The following SLC47A1 variants were observed in gnomAD, a reference collection of about 807,000 sequenced individuals.
The protein encoded by SLC47A1 is multidrug and toxin extrusion protein 1.
Under a neutral mutation model 65.8 loss-of-function variants are expected in SLC47A1, and 58 were observed. The ratio of observed to expected loss-of-function variants is 0.88; its 90% confidence interval spans 0.71 to 1.10. SLC47A1 has a LOEUF of 1.10. SLC47A1 is among the 50% of genes least tolerant of loss of function. SLC47A1 has a pLI of 0.00. For synonymous variants in SLC47A1, 285 were observed against 295.0 expected, an observed-to-expected ratio of 0.97 and a Z score of 0.35; for missense variants, 706 against 719.2, an observed-to-expected ratio of 0.98 and a Z score of 0.21.
At chr17:19,550,576 G>A (rs1485310222) in intron 5 of SLC47A1, among the ~76,000 whole-genome samples, 2 of 152,106 alleles carry the variant, frequency 1.3e-5, no homozygotes, top group African/African-American at 2.4e-5. Context: ...TTGGCCTCCC[G>A]AAGTGTTGGG....
At chr17:19,560,568 A>G (rs2084301438) in intron 12 of SLC47A1, 75 bp downstream of exon 12, 13 of 1,443,892 alleles carry the variant, frequency 9.0e-6, no homozygotes, top group Non-Finnish European at 1.3e-5. Flanking sequence ...TGTTCTCTAA[A>G]ATCAGGCTGT....
intron 2 of SLC47A1, among the ~76,000 whole-genome samples, chr17:19,543,091 C>T (rs1916192382): frequency 6.8e-6 from 1 of 147,922 alleles, no homozygotes; most frequent in South Asian, 2.2e-4. Context: ...CGTGCCCAGC[C>T]TCACATCATC....
chr17:19,534,262 G>A, intron 1 of SLC47A1, 188 bp downstream of exon 1: 2 of 680,054 alleles, frequency 2.9e-6, no homozygotes, highest in Non-Finnish European at 4.4e-6. Flanking sequence ...GCCGCTTTCC[G>A]CTCCGCACCA....
At chr17:19,564,570 G>A (rs2084341428) in intron 12 of SLC47A1, 1 of 152,264 alleles carries the variant, frequency 6.6e-6, no homozygotes, top group Admixed American at 6.5e-5. Flanking sequence ...GGGCATTGCA[G>A]TAAGACTTTG....
intron 2 of SLC47A1, 81 bp downstream of exon 2, chr17:19,542,575 T>C: frequency 8.5e-7 from 1 of 1,174,092 alleles, no homozygotes; most frequent in Admixed American, 2.3e-5. Context: ...CATCAAAATG[T>C]AGTGGCTGAA....
chr17:19,572,216 C>T (rs1026255406), intron 15 of SLC47A1, among the ~76,000 whole-genome samples: 2 of 152,000 alleles, frequency 1.3e-5, no homozygotes, highest in African/African-American at 4.8e-5. Flanking sequence ...GATCTTGGTC[C>T]CTCTCTTGTC....
intron 3 of SLC47A1, among the ~76,000 whole-genome samples, chr17:19,546,807 G>A (rs900959962): frequency 1.3e-5 from 2 of 152,160 alleles, no homozygotes; most frequent in African/African-American, 4.8e-5. Flanking sequence ...TCTCAGAATT[G>A]AGCGTGCATT....
intron 12 of SLC47A1, among the ~76,000 whole-genome samples, chr17:19,560,939 A>C (rs1391724627): frequency 1.3e-5 from 2 of 152,018 alleles, no homozygotes; most frequent in Non-Finnish European, 2.9e-5. Context: ...GCCAGCAGAA[A>C]AAGTTTTTTA....
chr17:19,562,715 G>A (rs1387173329), intron 12 of SLC47A1, among the ~76,000 whole-genome samples: 4 of 152,134 alleles, frequency 2.6e-5, no homozygotes, highest in Non-Finnish European at 5.9e-5. Context: ...GTAGAAGCTG[G>A]ACTCTGAATC....
At chr17:19,560,041 T>C in intron 10 of SLC47A1, 147 bp from the exon 11 acceptor site, 1 of 616,064 alleles carries the variant, frequency 1.6e-6, no homozygotes, top group Non-Finnish European at 2.9e-6. Flanking sequence ...AGTTCCCGGC[T>C]AGACAAAGGG....
intron 12 of SLC47A1, among the ~76,000 whole-genome samples, chr17:19,564,963 C>T (rs2084344837): frequency 6.6e-6 from 1 of 152,196 alleles, no homozygotes; most frequent in Non-Finnish European, 1.5e-5. Context: ...AGGTGATCTG[C>T]CTGCCTTGGC....
rs561333106 is a variant in SLC47A1 at position 19,561,997 on chromosome 17, C to A, written c.1106+1504C>A. On this transcript the variant is annotated intron_variant, in intron 12 of 16. Coordinates refer to ENST00000270570, the MANE Select transcript of SLC47A1 (RefSeq NM_018242.3). ...TTCTCAGATTGATTACTGAAGAATT[C>A]TTGGATAAGTCCCCTCTGCTCTGCA... Among the ~76,000 whole-genome samples the A allele has an allele frequency of 3.1e-3, 472 of 152,290 alleles. 4 individuals are homozygous for A. Among genetic ancestry groups the A allele is most frequent in the African/African-American group, 0.011 (442 of 41,562 alleles).
intron 14 of SLC47A1, 93 bp from the exon 15 acceptor site, chr17:19,571,385 T>C (rs546530868): frequency 1.9e-6 from 2 of 1,052,122 alleles, no homozygotes; most frequent in African/African-American, 1.6e-5. Context: ...AGATATTCAG[T>C]ATGGCTGACA....
In SLC47A1 at chr17:19,563,246, C is replaced by A. The variant is rs1223715946; in HGVS notation, c.1106+2753C>A. On this transcript the variant is annotated intron_variant, in intron 12 of 16. Coordinates refer to ENST00000270570, the MANE Select transcript of SLC47A1 (RefSeq NM_018242.3). ...CTCCCGGGTTCACGCCATTCTCCTGCCTCAGCCTCCCAAGTAGCTGGGACT... is the reference window on the plus strand; with the variant it reads ...CTCCCGGGTTCACGCCATTCTCCTGACTCAGCCTCCCAAGTAGCTGGGACT... Among the ~76,000 whole-genome samples the A allele has an allele frequency of 3.3e-5, 5 of 150,172 alleles. 1 individual carries two copies.
chr17:19,565,626 G>C (rs1440617896), intron 12 of SLC47A1, among the ~76,000 whole-genome samples: 1 of 144,432 alleles, frequency 6.9e-6, no homozygotes, highest in Non-Finnish European at 1.5e-5. Context: ...TGTCGCCCAG[G>C]CTGGAGTGCA....
intron 10 of SLC47A1, among the ~76,000 whole-genome samples, chr17:19,557,038 C>G (rs1215624975): frequency 6.6e-6 from 1 of 152,162 alleles, no homozygotes; most frequent in East Asian, 1.9e-4. Flanking sequence ...GCTTTATTTT[C>G]CTGAAAACAT....
chr17:19,538,435 G>A (rs1206587920), intron 1 of SLC47A1, among the ~76,000 whole-genome samples: 3 of 152,240 alleles, frequency 2.0e-5, no homozygotes, highest in Admixed American at 2.0e-4. Context: ...CCGGGGAAAA[G>A]ATCAATATCC....
chr17:19,534,037 A>G lies in SLC47A1; in HGVS notation c.98A>G (p.Glu33Gly). 6.5e-7 allele frequency: 1 copy of G among 1,547,972 alleles called. No individual in the cohort carries two copies. Residue 33 changes from glutamate to glycine, a missense_variant, in exon 1 of 17, where the codon GAA becomes GGA. Physicochemically the swap from Glu to Gly is moderately conservative, Grantham distance 98. Transcript: ENST00000270570. ...TGCTTGCGGCTGTCCGCCTTCCGAG[A>G]AGAGCTGCGGGCGCTCTTGGTCCTG... ...SRCLRLSAFR[E>G]ELRALLVLAG...
chr17:19,548,074 G>A lies in SLC47A1; in HGVS notation c.396G>A (p.Ala132=), dbSNP rs199554687. Residue 132 remains alanine (A), a synonymous_variant, in exon 4 of 17, where the codon GCG becomes GCA. Transcript: ENST00000270570. ...TCCTCTGCTGCTTCCCCTGCTGGGC[G>A]CTCTTTCTCAACACCCAGCACATCC... ...VLLLCCFPCW[A]LFLNTQHILL... is the part of the protein sequence containing the mutation. The A allele has an allele frequency of 1.1e-5, 18 of 1,613,906 alleles. No individual in the cohort carries two copies. The highest frequency in any genetic ancestry group is 5.0e-5 in the Admixed American group (3 of 59,976).
Sources: allele counts gnomAD v4.1 joint callset (sites outside exome capture counted in the v4.1 genomes callset), GRCh38; gene constraint gnomAD v4.1.1; transcripts MANE v1.5; gene names NCBI Gene and HGNC (gene_info 2026-07-23, HGNC 2026-07-21).